COX17: variants seen among roughly 807,000 people sequenced by gnomAD.
COX17 encodes the protein cytochrome c oxidase copper chaperone COX17, also known as cytochrome c oxidase copper chaperone.
COX17 carries 1 observed loss-of-function variant against 6.3 expected under a neutral mutation model. The observed-to-expected ratio is 0.16, with a 90% CI of 0.06 to 0.75. The LOEUF (loss-of-function observed/expected upper bound fraction) is 0.75, where lower values mean the gene tolerates loss of function less well. COX17 is among the 30% of genes least tolerant of loss of function. The pLI is 0.77. For synonymous variants in COX17, 26 were observed against 30.5 expected (o/e 0.85, Z 0.49); for missense variants, 73 against 81.2 (o/e 0.90, Z 0.39).
At chr3:119,667,734 G>C (rs868792634), downstream of COX17, among the ~76,000 whole-genome samples, 91 of 137,976 alleles carry the variant, frequency 6.6e-4, no homozygotes, top group African/African-American at 1.1e-3. Context: ...CACACAGAGA[G>C]AGAGAGACAG....
chr3:119,668,441 A>AC (rs2053013204), downstream of COX17, among the ~76,000 whole-genome samples: 1 of 152,194 alleles, frequency 6.6e-6, no homozygotes, highest in Non-Finnish European at 1.5e-5. Flanking sequence ...GTAAAAATAT[A>AC]AACAATAAAA....
intron 1 of COX17, among the ~76,000 whole-genome samples, chr3:119,675,855 G>C (rs2107835964): frequency 6.6e-6 from 1 of 152,322 alleles, no homozygotes; most frequent in South Asian, 2.1e-4. Flanking sequence ...CCTGACTATG[G>C]ATATTTGGGG....
downstream of COX17, among the ~76,000 whole-genome samples, chr3:119,667,352 T>C (rs988832853): frequency 3.9e-5 from 6 of 151,994 alleles, no homozygotes; most frequent in African/African-American, 1.5e-4. Flanking sequence ...GGGCAGAGGG[T>C]CTTGTGAGAT....
chr3:119,677,082 GGGCAGAA>G (rs771261337), intron 1 of COX17, 115 bp downstream of exon 1: 7,736 of 575,770 alleles, frequency 0.013, 82 homozygotes, highest in South Asian at 0.036. Context: ...AGAGGGCAGA[GGGCAGAA>G]GGCAGAGGGC....
intron 2 of COX17, among the ~76,000 whole-genome samples, chr3:119,672,925 T>G (rs2053059455): frequency 6.6e-6 from 1 of 152,232 alleles, no homozygotes; most frequent in African/African-American, 2.4e-5. Context: ...CAGTAACTTC[T>G]TATCAGCTTG....
chr3:119,670,751 T>TG (rs1425491504), intron 2 of COX17, among the ~76,000 whole-genome samples: 1,867 of 68,752 alleles, frequency 0.027, 17 homozygotes, highest in Middle Eastern at 0.06. Context: ...CATGATCAGT[T>TG]TTGTGTGTGT....
chr3:119,676,865 T>C, intron 1 of COX17: 1 of 702,776 alleles, frequency 1.4e-6, no homozygotes. Flanking sequence ...AACACACATT[T>C]GTAGGAAGGA....
chr3:119,668,916 C>T (rs897835765), downstream of COX17, among the ~76,000 whole-genome samples: 1 of 152,094 alleles, frequency 6.6e-6, no homozygotes, highest in African/African-American at 2.4e-5. Context: ...CAGGCATCAC[C>T]ATGGCATAGC....
chr3:119,665,186 G>T (rs1382750114), downstream of COX17: 1 of 152,228 alleles, frequency 6.6e-6, no homozygotes, highest in Non-Finnish European at 1.5e-5. Flanking sequence ...GCAATGAGAT[G>T]TAAGAGGAAG....
In COX17 at chr3:119,664,206, A is replaced by G. The variant is rs114097248; in HGVS notation, c.*68+2713T>C. On this transcript the variant is annotated intron_variant and NMD_transcript_variant, in intron 3 of 3. Coordinates refer to the COX17 transcript ENST00000468918. ...AATTCAATCCATAGGGACTTTTACT[A>G]TACTGCTATAACCTAACTAAAATTC... Among the ~76,000 whole-genome samples, 375 of 152,338 alleles carry G rather than the reference A, an allele frequency of 2.5e-3. 1 individual carries two copies. Among genetic ancestry groups the G allele is most frequent in the African/African-American group, 8.5e-3 (353 of 41,562 alleles).
At chr3:119,675,447 A>G (rs549886919) in intron 1 of COX17, 10 of 512,414 alleles carry the variant, frequency 2.0e-5, no homozygotes, top group African/African-American at 1.5e-4. Context: ...TTTGGGGGGG[A>G]AATCTGATAA....
At chr3:119,670,752 T>TTG (rs10542008) in intron 2 of COX17, among the ~76,000 whole-genome samples, 3,290 of 149,686 alleles carry the variant, frequency 0.022, 93 homozygotes, top group African/African-American at 0.061. Context: ...ATGATCAGTT[T>TTG]TGTGTGTGTG....
At chr3:119,677,026 G>GT (rs1184389950) in intron 1 of COX17, 178 bp downstream of exon 1, 1 of 217,448 alleles carries the variant, frequency 4.6e-6, no homozygotes, top group African/African-American at 7.8e-5. Flanking sequence ...GGCGGGGCGG[G>GT]GGGGGGGGGC....
rs1015668915 is a variant in COX17, at chr3:119,673,893, G to A, written c.*4+1252C>T. Among the ~76,000 whole-genome samples the A allele has an allele frequency of 3.3e-5, 5 of 152,152 alleles. No individual in the cohort carries two copies. The South Asian group carries it at 1.0e-3, about 31-fold the overall frequency. ...TGTCTGGGATGTCAGGAGTGCCACT[G>A]CCCGGCTGCCCACTGTCTGGGAAGT... On this transcript the variant is annotated intron_variant, in intron 2 of 2. Transcript: ENST00000261070.
At chr3:119,676,383 T>C (rs1559736040) in intron 1 of COX17, among the ~76,000 whole-genome samples, 1 of 152,248 alleles carries the variant, frequency 6.6e-6, no homozygotes, top group African/African-American at 2.4e-5. Context: ...ATTTCTTTCT[T>C]ATATCTACTA....
chr3:119,675,219 C>T lies in COX17; in HGVS notation c.122G>A (p.Gly41Glu). 6.2e-7 allele frequency: 1 copy of T among 1,612,024 alleles called. No homozygotes were observed. The highest frequency in any genetic ancestry group is 1.7e-5 in the Admixed American group (1 of 60,002). ...KARDACIIEK[G>E]EEHCGHLIEA... ...AATTAGATGTCCACAGTGTTCTTCT[C>T]CTTTCTCGATGATACTATAAAACAA... is the stretch of plus-strand genomic sequence containing the variant. Residue 41 changes from glycine to glutamate, a missense_variant, in exon 2 of 3, where the codon GGA (glycine) becomes GAA (glutamate). Physicochemically the swap from Gly to Glu is moderately conservative, Grantham distance 98. Transcript: ENST00000261070.
chr3:119,675,085 T>G lies in COX17; in HGVS notation c.*4+60A>C, dbSNP rs928587555. On this transcript the variant is annotated intron_variant, in intron 2 of 2. Coordinates refer to ENST00000261070, the MANE Select transcript of COX17 (RefSeq NM_005694.2). ...CAGGTGAACTACCTTTCAGAGAGAA[T>G]GTAGCCCAATTGTTGCTAAATCTGT... 3.4e-5 allele frequency: 40 copies of G among 1,169,690 alleles called. No individual in the cohort carries two copies. The Admixed American group carries it at 6.9e-4, about 20-fold the overall frequency. The allele number at this position is 1,169,690 out of a possible 1,614,324, so 72.5% of individuals were successfully genotyped here. A position where few individuals can be genotyped will look rare whatever the true frequency, so the allele number is the denominator to read the frequency against.
intron 2 of COX17, among the ~76,000 whole-genome samples, chr3:119,673,005 A>G (rs982889064): frequency 5.3e-5 from 8 of 152,204 alleles, no homozygotes; most frequent in Non-Finnish European, 1.2e-4. Flanking sequence ...AATTCCAAAG[A>G]GGCAGGAAAG....
At chr3:119,667,316 G>A (rs956010683), downstream of COX17, among the ~76,000 whole-genome samples, 7 of 152,030 alleles carry the variant, frequency 4.6e-5, no homozygotes, top group African/African-American at 1.7e-4. Flanking sequence ...CTCATCTTTG[G>A]GAAGACTTAA....
Sources: gnomAD v4.1 joint callset for allele counts (sites outside exome capture counted in the v4.1 genomes callset) on GRCh38, gnomAD v4.1.1 for gene constraint, MANE v1.5 for transcripts, NCBI Gene and HGNC (gene_info 2026-07-23, HGNC 2026-07-21) for gene names.